Variants in PCGF5 observed in about 807,000 individuals in gnomAD.
PCGF5 encodes the protein polycomb group ring finger 5, also known as polycomb group RING finger protein 5.
In PCGF5, 9 loss-of-function variants were observed where a neutral mutation model predicts 44.3. That is an observed-to-expected ratio of 0.20 (90% CI 0.12 to 0.35). PCGF5 has a LOEUF of 0.35. Among genes scored for constraint, PCGF5 ranks in the 10% least tolerant of loss-of-function variants. The pLI, the probability that PCGF5 is intolerant of heterozygous loss-of-function variation, is 1.00. For synonymous variants in PCGF5, 95 were observed against 102.5 expected (o/e 0.93, Z 0.44); for missense variants, 146 against 305.3 (o/e 0.48, Z 3.89).
At chr10:91,205,744 C>T (rs1403957295) in intron 1 of PCGF5, among the ~76,000 whole-genome samples, 1 of 152,056 alleles carries the variant, frequency 6.6e-6, no homozygotes, top group African/African-American at 2.4e-5. Context: ...TTTGGGAGGC[C>T]GAGGCAGGTG....
intron 2 of PCGF5, among the ~76,000 whole-genome samples, chr10:91,239,559 A>G (rs565020537): frequency 2.6e-5 from 4 of 152,330 alleles, no homozygotes; most frequent in Non-Finnish European, 5.9e-5. Context: ...AGGAGAGCCA[A>G]TCTATACCAT....
At chr10:91,246,451 A>T (rs899326418) in intron 3 of PCGF5, among the ~76,000 whole-genome samples, 1 of 152,170 alleles carries the variant, frequency 6.6e-6, no homozygotes, top group Admixed American at 6.6e-5. Flanking sequence ...AGCAAATAGT[A>T]CCAGTTATGG....
At chr10:91,240,665 G>A (rs1306729753) in intron 3 of PCGF5, 85 bp downstream of exon 3, 1 of 832,174 alleles carries the variant, frequency 1.2e-6, no homozygotes, top group African/African-American at 1.7e-5. Context: ...AATATTTCAT[G>A]TTGTCTTGAC....
chr10:91,210,768 A>G (rs1844437820), intron 1 of PCGF5, among the ~76,000 whole-genome samples: 1 of 152,268 alleles, frequency 6.6e-6, no homozygotes, highest in Non-Finnish European at 1.5e-5. Flanking sequence ...TTTAAAAATA[A>G]TCACTGAAAA....
chr10:91,251,375 C>T lies in PCGF5; in HGVS notation c.409C>T (p.Pro137Ser). The T allele has an allele frequency of 6.2e-7, 1 of 1,610,990 alleles. No homozygotes were observed. The highest frequency in any genetic ancestry group is 8.5e-7 in the Non-Finnish European group (1 of 1,178,028). ...EDDKDYHRSD[P>S]QIAICLDCLR... ...TGATAAAGATTATCACAGAAGTGAC[C>T]CACAAATTGCTATCTGTCTAGATTG... is the stretch of plus-strand genomic sequence containing the variant. The change falls in exon 6 of 10, where the codon CCA (proline) becomes TCA (serine). Residue 137 changes from proline to serine, a missense_variant. By Grantham distance (74) the Pro-to-Ser change is moderately conservative. Around this residue, in one of 3 missense-constraint regions of PCGF5, gnomAD observed 123 missense variants for 268.6 expected, o/e 0.46. Coordinates refer to ENST00000336126, the MANE Select transcript of PCGF5 (RefSeq NM_032373.5).
chr10:91,226,280 T>A (rs1589379668), intron 2 of PCGF5, among the ~76,000 whole-genome samples: 1 of 38,030 alleles, frequency 2.6e-5, no homozygotes, highest in East Asian at 1.0e-3. Context: ...GTAATCAAGT[T>A]AAGAAATGTA....
At chr10:91,258,512 A>G (rs1182906996) in intron 6 of PCGF5, among the ~76,000 whole-genome samples, 3 of 152,108 alleles carry the variant, frequency 2.0e-5, no homozygotes, top group Admixed American at 1.3e-4. Context: ...GACATTTCAG[A>G]TTTCAGACTG....
chr10:91,273,263 T>C (rs537651525), intron 9 of PCGF5, among the ~76,000 whole-genome samples: 1 of 152,324 alleles, frequency 6.6e-6, no homozygotes, highest in Non-Finnish European at 1.5e-5. Flanking sequence ...TATAGATGTT[T>C]CAGCTGCTTT....
chr10:91,261,264 G>T, intron 6 of PCGF5, 62 bp from the exon 7 acceptor site: 1 of 1,379,456 alleles, frequency 7.2e-7, no homozygotes, highest in Non-Finnish European at 9.5e-7. Context: ...GGTTTCACCA[G>T]AAGCAAGATA....
At chr10:91,186,245 C>G (rs1672556832) in intron 1 of PCGF5, among the ~76,000 whole-genome samples, 1 of 152,200 alleles carries the variant, frequency 6.6e-6, no homozygotes, top group African/African-American at 2.4e-5. Context: ...TTTGCCCCGA[C>G]TCTCACAGCT....
intron 1 of PCGF5, among the ~76,000 whole-genome samples, chr10:91,172,486 A>G (rs2133171727): frequency 6.6e-6 from 1 of 152,298 alleles, no homozygotes; most frequent in Non-Finnish European, 1.5e-5. Flanking sequence ...AAATCTTAGA[A>G]CACTTCCTCA....
chr10:91,179,323 T>C (rs1279368865), intron 1 of PCGF5, among the ~76,000 whole-genome samples: 2 of 152,184 alleles, frequency 1.3e-5, no homozygotes, highest in African/African-American at 4.8e-5. Flanking sequence ...CCAATATTTG[T>C]TTCTTTTTTA....
chr10:91,223,328 CAG>C (rs1844730890), intron 2 of PCGF5, among the ~76,000 whole-genome samples: 1 of 152,072 alleles, frequency 6.6e-6, no homozygotes, highest in South Asian at 2.1e-4. Context: ...TTAGGATATG[CAG>C]ACTCTTAATT....
chr10:91,240,757 T>C (rs1845301620), intron 3 of PCGF5, among the ~76,000 whole-genome samples, 177 bp downstream of exon 3: 1 of 151,956 alleles, frequency 6.6e-6, no homozygotes, highest in South Asian at 2.1e-4. Flanking sequence ...AAAATAAGGT[T>C]TTACATCTTA....
intron 6 of PCGF5, among the ~76,000 whole-genome samples, chr10:91,254,648 C>G (rs1589399509): frequency 6.6e-6 from 1 of 152,072 alleles, no homozygotes; most frequent in East Asian, 1.9e-4. Flanking sequence ...ATGTGATTCA[C>G]AAATGTGGTG....
chr10:91,189,340 C>CCTCTCTCCTG (rs1843988718), intron 1 of PCGF5, among the ~76,000 whole-genome samples: 1 of 152,182 alleles, frequency 6.6e-6, no homozygotes, highest in South Asian at 2.1e-4. Context: ...CTCCACTAGA[C>CCTCTCTCCTG]AGTGCACTCA....
chr10:91,232,921 T>C (rs1455671220), intron 2 of PCGF5, among the ~76,000 whole-genome samples: 1 of 152,208 alleles, frequency 6.6e-6, no homozygotes, highest in Non-Finnish European at 1.5e-5. Flanking sequence ...TTGAGGTTCA[T>C]GGTCATGAAT....
chr10:91,219,375 T>C (rs1844608071), upstream of PCGF5, among the ~76,000 whole-genome samples: 1 of 152,248 alleles, frequency 6.6e-6, no homozygotes, highest in Non-Finnish European at 1.5e-5. Flanking sequence ...AGACACAAAA[T>C]AGGAACATAC....
chr10:91,188,234 C>T (rs994846376), intron 1 of PCGF5, among the ~76,000 whole-genome samples: 4 of 152,114 alleles, frequency 2.6e-5, no homozygotes, highest in African/African-American at 7.2e-5. Context: ...GCACCATGCG[C>T]GAGCTGAAGC....
Sources: allele counts gnomAD v4.1 joint callset (sites outside exome capture counted in the v4.1 genomes callset), GRCh38; gene constraint gnomAD v4.1.1; regional missense constraint gnomAD v4.1.1; transcripts MANE v1.5; gene names NCBI Gene and HGNC (gene_info 2026-07-23, HGNC 2026-07-21).